Variants in SRPK2 observed in about 807,000 individuals in gnomAD.
SRPK2 encodes the protein SFRS protein kinase 2.
A neutral mutation model predicts 90.8 loss-of-function variants in SRPK2; 21 were observed. The ratio of observed to expected loss-of-function variants is 0.23; its 90% CI spans 0.16 to 0.33. The LOEUF is 0.33. SRPK2 is among the 10% of genes least tolerant of loss of function. SRPK2 has a pLI of 1.00. For missense variants in SRPK2, 620 were observed against 869.0 expected (o/e 0.71, Z 3.60); for synonymous variants, 288 against 311.1 (o/e 0.93, Z 0.78).
chr7:105,242,235 G>A (rs532148683), intron 2 of SRPK2, among the ~76,000 whole-genome samples: 5 of 152,218 alleles, frequency 3.3e-5, no homozygotes, highest in African/African-American at 1.2e-4. Flanking sequence ...AATTTGGCAG[G>A]GTGCAGTGGC....
chr7:105,127,117 C>T, intron 13 of SRPK2, 55 bp from the exon 14 acceptor site: 2 of 1,567,214 alleles, frequency 1.3e-6, no homozygotes, highest in Admixed American at 1.7e-5. Context: ...CCCAAGTCAA[C>T]AGCTTTTTCT....
chr7:105,171,098 G>A (rs1241300410), intron 3 of SRPK2, among the ~76,000 whole-genome samples: 1 of 151,774 alleles, frequency 6.6e-6, no homozygotes, highest in Non-Finnish European at 1.5e-5. Flanking sequence ...GGGAGGGGAC[G>A]GGAAGGGAGA....
intron 2 of SRPK2, among the ~76,000 whole-genome samples, chr7:105,351,501 A>C (rs1817170599): frequency 9.7e-6 from 1 of 102,778 alleles, no homozygotes; most frequent in Non-Finnish European, 1.9e-5. Flanking sequence ...CAAAAATAAT[A>C]ATAATAATAA....
intron 4 of SRPK2, 126 bp from the exon 5 acceptor site, chr7:105,168,221 T>C: frequency 2.8e-6 from 2 of 711,120 alleles, no homozygotes; most frequent in Non-Finnish European, 4.7e-6. Context: ...CCTAAAACAT[T>C]ATGAGTGTGT....
intron 7 of SRPK2, chr7:105,160,279 GTA>G (rs1563007381): frequency 3.2e-6 from 1 of 308,262 alleles, no homozygotes; most frequent in African/African-American, 2.2e-5. Flanking sequence ...GGCAAAAAAC[GTA>G]TGCCTGACAA....
intron 2 of SRPK2, among the ~76,000 whole-genome samples, chr7:105,323,962 ATTCTTTGTGTGTGTGTGTGTG>A (rs1224537952): frequency 7.7e-6 from 1 of 130,276 alleles, no homozygotes; most frequent in East Asian, 2.4e-4. Flanking sequence ...TGGTCAGACT[ATTCTTTGTGTGTGTGTGTGTG>A]TGTGTGTGTG....
At chr7:105,266,719 T>G (rs940684259) in intron 2 of SRPK2, among the ~76,000 whole-genome samples, 4 of 152,106 alleles carry the variant, frequency 2.6e-5, no homozygotes, top group African/African-American at 4.8e-5. Flanking sequence ...AAGAATGTAA[T>G]GATAATGCTA....
rs1484118089 is a variant in SRPK2, at chr7:105,146,523, C to T, written c.757G>A (p.Ala253Thr). 6.2e-7 allele frequency: 1 copy of T among 1,614,184 alleles called. No individual in the cohort carries two copies. Among genetic ancestry groups the T allele is most frequent in the Admixed American group, 1.7e-5 (1 of 60,012 alleles). ...MAAEATEWQK[A>T]GAPPPSGSAV... The stretch of plus-strand genomic sequence containing the variant: ...GACCCTGAAGGAGGAGGAGCACCTG[C>T]TTTCTGCCACTCAGTGGCCTCAGCT... Residue 253 changes from alanine to threonine, a missense_variant, in exon 8 of 16, where the codon GCA becomes ACA. Transcript: ENST00000393651.
At chr7:105,353,754 G>A (rs1817484739) in intron 2 of SRPK2, among the ~76,000 whole-genome samples, 1 of 152,148 alleles carries the variant, frequency 6.6e-6, no homozygotes, top group South Asian at 2.1e-4. Flanking sequence ...TGAGCTGATA[G>A]GAGGGGATCT....
chr7:105,298,866 G>A, intron 2 of SRPK2: 1 of 898,050 alleles, frequency 1.1e-6, no homozygotes, highest in Non-Finnish European at 1.3e-6. Flanking sequence ...GTCTTTCCAG[G>A]GAGACAATGT....
intron 2 of SRPK2, among the ~76,000 whole-genome samples, chr7:105,380,311 T>C (rs1820791022): frequency 6.6e-6 from 1 of 151,998 alleles, no homozygotes; most frequent in Non-Finnish European, 1.5e-5. Flanking sequence ...TCTGTATTTT[T>C]AGTAGAGACG....
At chr7:105,121,508 G>T (rs1290595014) in intron 15 of SRPK2, among the ~76,000 whole-genome samples, 1 of 152,160 alleles carries the variant, frequency 6.6e-6, no homozygotes, top group Non-Finnish European at 1.5e-5. Context: ...CTTAAAGAAT[G>T]TGGAATATCA....
downstream of SRPK2, chr7:105,115,252 A>T (rs1218351473): frequency 6.6e-6 from 1 of 152,252 alleles, no homozygotes; most frequent in Non-Finnish European, 1.5e-5. Flanking sequence ...AAACTGAAGA[A>T]GTTCTCTACT....
chr7:105,164,231 A>C (rs964289200), intron 6 of SRPK2, among the ~76,000 whole-genome samples: 3 of 152,200 alleles, frequency 2.0e-5, no homozygotes, highest in African/African-American at 7.2e-5. Flanking sequence ...TTTATGGAGA[A>C]CCAAAGAATG....
At chr7:105,295,032 G>A (rs967471075) in intron 2 of SRPK2, among the ~76,000 whole-genome samples, 2 of 151,920 alleles carry the variant, frequency 1.3e-5, no homozygotes, top group Admixed American at 6.6e-5. Flanking sequence ...CCAACATGGC[G>A]AAACCCTGTC....
At chr7:105,355,212 A>G (rs1299396004) in intron 2 of SRPK2, among the ~76,000 whole-genome samples, 1 of 152,196 alleles carries the variant, frequency 6.6e-6, no homozygotes, top group Non-Finnish European at 1.5e-5. Flanking sequence ...AACAGAAAAT[A>G]CAGCAGGGCA....
rs1816834445 is a variant in SRPK2 at position 105,349,126 on chromosome 7, CAG to C, written c.71+39520_71+39521del. On this transcript the variant is annotated intron_variant, in intron 2 of 15. Transcript: ENST00000393651. The stretch of plus-strand genomic sequence containing the variant: ...CATCACTGCACTCCAGCCTGGGCAA[CAG>C]AGTGAGATTTTTGTAGAAAGAGAGA... 3.4e-5 allele frequency among the ~76,000 whole-genome samples: 4 copies of C among 117,084 alleles called. No individual in the cohort carries two copies. The Admixed American group carries it at 5.2e-4, about 15-fold the overall frequency. The allele number at this position is 117,084 out of a possible 152,430, so 76.8% of individuals were successfully genotyped here.
At chr7:105,272,401 T>A (rs778100496) in intron 2 of SRPK2, among the ~76,000 whole-genome samples, 1 of 152,264 alleles carries the variant, frequency 6.6e-6, no homozygotes, top group Non-Finnish European at 1.5e-5. Context: ...AAGCAGTTCC[T>A]GTGTAGTTTG....
intron 11 of SRPK2, among the ~76,000 whole-genome samples, chr7:105,141,029 G>A (rs1332943016): frequency 6.6e-6 from 1 of 152,032 alleles, no homozygotes; most frequent in Non-Finnish European, 1.5e-5. Context: ...GTCTGGATAA[G>A]GTACCTCTCA....
Sources: gnomAD v4.1 joint callset for allele counts (sites outside exome capture counted in the v4.1 genomes callset) on GRCh38, gnomAD v4.1.1 for gene constraint, MANE v1.5 for transcripts, NCBI Gene and HGNC (gene_info 2026-07-23, HGNC 2026-07-21) for gene names.